The following KPNA7 variants were observed in gnomAD, a reference collection of about 807,000 sequenced individuals.
KPNA7 encodes the protein importin subunit alpha-8.
Under a neutral mutation model 53.7 loss-of-function variants are expected in KPNA7, and 54 were observed. The ratio of observed to expected loss-of-function variants is 1.01; its 90% CI spans 0.81 to 1.26. The LOEUF is 1.26. Ranked by LOEUF, KPNA7 falls within the 50% of genes most tolerant of loss-of-function variation. The probability of loss-of-function intolerance (pLI) is 0.00; values close to 1 mark genes in which losing one functional copy is unlikely to be tolerated. For synonymous variants in KPNA7, 276 were observed against 259.3 expected (o/e 1.06, Z -0.62); for missense variants, 640 against 644.5 (o/e 0.99, Z 0.07).
the KPNA7 span, among the ~76,000 whole-genome samples, chr7:99,155,896 G>T: frequency 6.6e-6 from 1 of 151,972 alleles, no homozygotes; most frequent in Non-Finnish European, 1.5e-5. Context: ...GTATCATCTG[G>T]CATCTTAGCC....
intron 1 of KPNA7, among the ~76,000 whole-genome samples, chr7:99,213,545 A>C (rs1336559724): frequency 6.6e-6 from 1 of 151,374 alleles, no homozygotes; most frequent in Non-Finnish European, 1.5e-5. Context: ...CTGGGCTCAA[A>C]TGATCCTCCC....
chr7:99,163,383 A>ATATATATATATTT, the KPNA7 span, among the ~76,000 whole-genome samples: 2 of 40,804 alleles, frequency 4.9e-5, no homozygotes, highest in Admixed American at 4.9e-4. Context: ...ATATATATAT[A>ATATATATATATTT]TTTTTTTTTT....
intron 1 of KPNA7, 122 bp from the exon 2 acceptor site, chr7:99,207,611 AGCTTTTT>A: frequency 1.2e-5 from 2 of 166,258 alleles, no homozygotes; most frequent in Non-Finnish European, 2.3e-5. Context: ...CCAGGAAGCT[AGCTTTTT>A]TTTTTTTTTT....
chr7:99,187,681 G>GT (rs1201594466), intron 7 of KPNA7, among the ~76,000 whole-genome samples: 3 of 150,604 alleles, frequency 2.0e-5, no homozygotes, highest in African/African-American at 7.3e-5. Context: ...AGCCTCCCGA[G>GT]TAGCTGGAAT....
intron 1 of KPNA7, among the ~76,000 whole-genome samples, chr7:99,216,573 T>A (rs201007138): frequency 0.16 from 24,733 of 152,000 alleles, 2,080 homozygotes; most frequent in South Asian, 0.24. Context: ...ACCCTCTTTT[T>A]TTTTGTGAGA....
the KPNA7 span, among the ~76,000 whole-genome samples, chr7:99,161,081 C>T: frequency 6.6e-6 from 1 of 152,134 alleles, no homozygotes; most frequent in Non-Finnish European, 1.5e-5. Flanking sequence ...AGGTTGGTCT[C>T]GAGCTCCTAA....
intron 3 of KPNA7, among the ~76,000 whole-genome samples, chr7:99,202,395 G>A (rs967990003): frequency 6.6e-6 from 1 of 152,090 alleles, no homozygotes; most frequent in Non-Finnish European, 1.5e-5. Flanking sequence ...ATAAGGTTGG[G>A]GTAGATGGAG....
intron 3 of KPNA7, among the ~76,000 whole-genome samples, chr7:99,199,916 G>T (rs1177479378): frequency 6.6e-6 from 1 of 151,470 alleles, no homozygotes. Flanking sequence ...TGGACAAAGG[G>T]CTGGAATTTT....
At chr7:99,153,933 AC>A in the KPNA7 span, among the ~76,000 whole-genome samples, 3 of 152,048 alleles carry the variant, frequency 2.0e-5, no homozygotes, top group African/African-American at 7.2e-5. Flanking sequence ...ACACTACTGC[AC>A]TTCAGCCTGG....
intron 7 of KPNA7, among the ~76,000 whole-genome samples, chr7:99,186,589 A>G (rs1400603323): frequency 6.6e-6 from 1 of 152,110 alleles, no homozygotes; most frequent in Non-Finnish European, 1.5e-5. Context: ...CTAAAAATAC[A>G]AAAATTAGCT....
At chr7:99,175,153 T>G (rs954478359) in intron 10 of KPNA7, among the ~76,000 whole-genome samples, 3 of 152,128 alleles carry the variant, frequency 2.0e-5, no homozygotes, top group African/African-American at 7.2e-5. Flanking sequence ...ACCATTAACC[T>G]GGAAAATGCT....
chr7:99,203,584 T>C (rs1245581581), intron 2 of KPNA7, among the ~76,000 whole-genome samples: 2 of 152,136 alleles, frequency 1.3e-5, no homozygotes, highest in East Asian at 1.9e-4. Context: ...CTGAAGAATA[T>C]GGCTGCTTCC....
At chr7:99,147,751 G>A in the KPNA7 span, among the ~76,000 whole-genome samples, 2 of 151,964 alleles carry the variant, frequency 1.3e-5, no homozygotes, top group Non-Finnish European at 2.9e-5. Flanking sequence ...AGATTGCACT[G>A]CTGCCCTCCA....
chr7:99,161,222 ACTCTCTCT>A, the KPNA7 span, among the ~76,000 whole-genome samples: 3,536 of 147,614 alleles, frequency 0.024, 66 homozygotes, highest in Middle Eastern at 0.038. Flanking sequence ...ATGTACACAA[ACTCTCTCT>A]CTCTCTCTCT....
intron 9 of KPNA7, among the ~76,000 whole-genome samples, chr7:99,180,760 C>T (rs1444216510): frequency 8.7e-5 from 3 of 34,532 alleles, no homozygotes; most frequent in South Asian, 1.0e-3. Flanking sequence ...TCTCTCTCTC[C>T]CCGTCTGTGT....
chr7:99,170,570 G>T (rs1798754343), downstream of KPNA7, among the ~76,000 whole-genome samples: 1 of 152,006 alleles, frequency 6.6e-6, no homozygotes, highest in South Asian at 2.1e-4. Context: ...TCAAACTCCT[G>T]GACTCAAGGG....
At chr7:99,208,380 C>T (rs1047260474), upstream of KPNA7, among the ~76,000 whole-genome samples, 1 of 152,012 alleles carries the variant, frequency 6.6e-6, no homozygotes, top group East Asian at 1.9e-4. Flanking sequence ...CTCAGCCTCC[C>T]GAGTAGCTGG....
intron 8 of KPNA7, 45 bp from the exon 9 acceptor site, chr7:99,182,110 C>A: frequency 7.0e-7 from 1 of 1,434,188 alleles, no homozygotes; most frequent in South Asian, 1.4e-5. Context: ...CCTCAAGAAC[C>A]TAAATAGAGG....
At chr7:99,209,362 T>C (rs993270178), upstream of KPNA7, among the ~76,000 whole-genome samples, 3 of 152,000 alleles carry the variant, frequency 2.0e-5, no homozygotes, top group African/African-American at 7.2e-5. Flanking sequence ...CACTATCACC[T>C]CTTACCCACA....
Sources: gnomAD v4.1 joint callset for allele counts (sites outside exome capture counted in the v4.1 genomes callset) on GRCh38, gnomAD v4.1.1 for gene constraint, MANE v1.5 for transcripts, NCBI Gene and HGNC (gene_info 2026-07-23, HGNC 2026-07-21) for gene names.